SFXN5: variants seen among roughly 807,000 people sequenced by gnomAD.
The protein encoded by SFXN5 is sideroflexin 5.
A neutral mutation model predicts 50.2 loss-of-function variants in SFXN5; 43 were observed. The ratio of observed to expected loss-of-function variants is 0.86; its 90% CI spans 0.67 to 1.11. The LOEUF is 1.11. Ranked by LOEUF, SFXN5 falls within the 50% of genes least tolerant of loss-of-function variation. The probability of loss-of-function intolerance (pLI) is 0.00; values close to 1 mark genes in which losing one functional copy is unlikely to be tolerated. For synonymous variants in SFXN5, 203 were observed against 185.8 expected, an observed-to-expected ratio of 1.09 and a Z score of -0.75; for missense variants, 463 against 454.1, an observed-to-expected ratio of 1.02 and a Z score of -0.18.
chr2:73,069,041 G>C (rs1392490143), intron 1 of SFXN5, among the ~76,000 whole-genome samples: 1 of 151,646 alleles, frequency 6.6e-6, no homozygotes, highest in Admixed American at 6.6e-5. Context: ...GGGTGGGTGG[G>C]TGGTGGGATT....
chr2:73,009,529 G>A (rs1230240204), intron 6 of SFXN5, among the ~76,000 whole-genome samples: 2 of 152,240 alleles, frequency 1.3e-5, no homozygotes, highest in African/African-American at 4.8e-5. Context: ...AGGAAGTGGG[G>A]ATAGGTGAGC....
At chr2:72,977,232 C>T (rs1394959611) in intron 10 of SFXN5, among the ~76,000 whole-genome samples, 1 of 152,194 alleles carries the variant, frequency 6.6e-6, no homozygotes, top group African/African-American at 2.4e-5. Context: ...CTGCGGGAAG[C>T]ACCCTGGATG....
At chr2:73,070,012 G>A (rs148013413) in intron 1 of SFXN5, among the ~76,000 whole-genome samples, 4 of 152,296 alleles carry the variant, frequency 2.6e-5, no homozygotes, top group Non-Finnish European at 5.9e-5. Context: ...AGACTGTATG[G>A]AGAGCTATGA....
chr2:72,968,122 AACACACACACAC>A (rs34361357), intron 12 of SFXN5, among the ~76,000 whole-genome samples: 157 of 137,286 alleles, frequency 1.1e-3, no homozygotes, highest in African/African-American at 3.0e-3. Flanking sequence ...CACACATGAA[AACACACACACAC>A]ACACACACAC....
intron 10 of SFXN5, among the ~76,000 whole-genome samples, chr2:72,974,874 A>G (rs1289446519): frequency 2.0e-5 from 3 of 150,940 alleles, no homozygotes; most frequent in South Asian, 2.1e-4. Flanking sequence ...AAAAACAGAG[A>G]CAGAGAGAAC....
chr2:72,995,591 C>T (rs1403855778), intron 9 of SFXN5, among the ~76,000 whole-genome samples: 3 of 152,068 alleles, frequency 2.0e-5, no homozygotes, highest in Non-Finnish European at 4.4e-5. Context: ...TGCAGCCTGT[C>T]GGCCCCCATC....
chr2:73,006,628 C>CAA (rs34991822), intron 6 of SFXN5, among the ~76,000 whole-genome samples: 116 of 141,670 alleles, frequency 8.2e-4, no homozygotes, highest in Middle Eastern at 3.6e-3. Context: ...GAGATTATCT[C>CAA]AAAAAAAAAA....
At chr2:73,030,722 T>C (rs926046949) in intron 3 of SFXN5, among the ~76,000 whole-genome samples, 1 of 152,210 alleles carries the variant, frequency 6.6e-6, no homozygotes, top group Non-Finnish European at 1.5e-5. Context: ...AGGTATCTCA[T>C]ACAAGTGGAA....
intron 2 of SFXN5, 150 bp downstream of exon 2, chr2:73,058,378 C>A: frequency 1.5e-6 from 1 of 655,532 alleles, no homozygotes; most frequent in Non-Finnish European, 2.7e-6. Context: ...CAGACAGCTA[C>A]AGGTAGAGAG....
At position 73,015,597 on chromosome 2, in the gene SFXN5, G is replaced by C. The variant is rs531563723; in HGVS notation, c.357+4642C>G. On this transcript the variant is annotated intron_variant, in intron 6 of 13. Coordinates refer to ENST00000272433, the MANE Select transcript of SFXN5 (RefSeq NM_144579.3). ...GGCCTCTCAAAGTGCTGGGATAAGA[G>C]GCATGAACCACTATGCCTGGCACTT... is the stretch of plus-strand genomic sequence containing the variant. Among the ~76,000 whole-genome samples, 9 of 152,010 alleles carry C rather than the reference G, an allele frequency of 5.9e-5. 1 individual carries two copies. The highest frequency in any genetic ancestry group is 5.9e-4 in the Admixed American group (9 of 15,272).
At chr2:72,996,754 C>A (rs1365199585) in intron 9 of SFXN5, 5 of 152,128 alleles carry the variant, frequency 3.3e-5, no homozygotes, top group Non-Finnish European at 7.3e-5. Context: ...GAGCCCCAGG[C>A]CTGCAGGTGA....
chr2:72,951,632 CT>C (rs779335846), intron 13 of SFXN5, among the ~76,000 whole-genome samples: 1 of 146,624 alleles, frequency 6.8e-6, no homozygotes, highest in Non-Finnish European at 1.5e-5. Flanking sequence ...GTGCCCCATT[CT>C]TGGGGGCTTT....
intron 2 of SFXN5, among the ~76,000 whole-genome samples, chr2:73,043,066 CAATA>C (rs1301026795): frequency 2.6e-5 from 4 of 152,092 alleles, no homozygotes; most frequent in Non-Finnish European, 5.9e-5. Context: ...AGCCTGTCTC[CAATA>C]AATAAATAAA....
intron 3 of SFXN5, among the ~76,000 whole-genome samples, chr2:73,028,036 C>CA (rs1216160430): frequency 1.3e-5 from 2 of 152,108 alleles, no homozygotes; most frequent in African/African-American, 4.8e-5. Flanking sequence ...CCATGTGTTC[C>CA]AATTGCCTAC....
chr2:72,961,199 G>T lies in SFXN5; in HGVS notation c.877C>A (p.Leu293Ile). ...RPRLLLPVQSLVCLAAFGLAL... is the reference protein window; with the variant it reads ...RPRLLLPVQSIVCLAAFGLAL... ...AGGCCGAAGGCTGCCAGGCACACGA[G>T]GCTTTGCACAGGGAGGAGCAGCCGG... Residue 293 changes from leucine (L) to isoleucine (I), a missense_variant, in exon 13 of 14, where the codon CTC (leucine) becomes ATC (isoleucine). Leu to Ile is a conservative substitution (Grantham distance 5, BLOSUM62 2). Coordinates refer to ENST00000272433, the MANE Select transcript of SFXN5 (RefSeq NM_144579.3). This position sits in a 1 kb window ranked among gnomAD's most constrained non-coding sequence, Gnocchi z 4.4. 1.3e-6 allele frequency: 2 copies of T among 1,560,474 alleles called. No homozygotes were observed. The highest frequency in any genetic ancestry group is 1.7e-6 in the Non-Finnish European group (2 of 1,159,122).
In SFXN5 at chr2:73,007,588, T is replaced by A. The variant is rs574664732; in HGVS notation, c.358-6010A>T. On this transcript the variant is annotated intron_variant, in intron 6 of 13. Coordinates refer to ENST00000272433, the MANE Select transcript of SFXN5 (RefSeq NM_144579.3). ...GGAAAGTTTATCTTCCTCGAGAGCT[T>A]CTATAAGCTTCAGAGAAATGAGGCC... is the stretch of plus-strand genomic sequence containing the variant. 2.2e-3 allele frequency among the ~76,000 whole-genome samples: 337 copies of A among 152,168 alleles called. 4 individuals carry two copies. The highest frequency in any genetic ancestry group is 5.4e-3 in the South Asian group (26 of 4,804).
At chr2:73,053,683 A>G (rs1229836776) in intron 2 of SFXN5, 1 of 152,224 alleles carries the variant, frequency 6.6e-6, no homozygotes, top group African/African-American at 2.4e-5. Context: ...GAGTTTCTCC[A>G]TTGATTCAGC....
chr2:72,970,087 T>C (rs952224434), intron 11 of SFXN5, among the ~76,000 whole-genome samples: 1 of 152,172 alleles, frequency 6.6e-6, no homozygotes. Context: ...CAGGGGCCAC[T>C]TGGGTTTCCT....
At chr2:73,026,383 G>A (rs371498714) in intron 3 of SFXN5, among the ~76,000 whole-genome samples, 16 of 151,246 alleles carry the variant, frequency 1.1e-4, no homozygotes, top group Admixed American at 2.6e-4. Flanking sequence ...CACTTGCCTC[G>A]GCCTCCCAAA....
Sources: gnomAD v4.1 joint callset for allele counts (sites outside exome capture counted in the v4.1 genomes callset) on GRCh38, gnomAD v4.1.1 for gene constraint, Gnocchi (gnomAD v3.1) non-coding constraint, MANE v1.5 for transcripts, NCBI Gene and HGNC (gene_info 2026-07-23, HGNC 2026-07-21) for gene names.